ZNF708: variants seen among roughly 807,000 people sequenced by gnomAD.
ZNF708 encodes the protein zinc finger protein 708.
ZNF708 carries 44 observed loss-of-function variants against 47.0 expected under a neutral mutation model. The observed-to-expected ratio is 0.94, with a 90% CI of 0.74 to 1.20. ZNF708 has a LOEUF of 1.20. Ranked by LOEUF, ZNF708 falls within the 50% of genes most tolerant of loss-of-function variation. ZNF708 has a pLI of 0.00. For synonymous variants in ZNF708, 184 were observed against 218.5 expected, an observed-to-expected ratio of 0.84 and a Z score of 1.39; for missense variants, 557 against 656.0, an observed-to-expected ratio of 0.85 and a Z score of 1.65.
Position 21,292,373 on chromosome 19 carries a change from G to A in ZNF708, c.*901C>T, listed in dbSNP as rs1380221366. 2 of 152,144 alleles carry A rather than the reference G, an allele frequency of 1.3e-5. No individual in the cohort carries two copies. Among genetic ancestry groups the A allele is most frequent in the Non-Finnish European group, 2.9e-5 (2 of 68,048 alleles). 9.4% of individuals were successfully genotyped at this position (152,144 alleles called of 1,614,324 possible). Reference sequence around the variant, plus strand: ...CTGTGAATTCTCTGATATTTACATAGACTTATTTTGGATTAAATGTTTTAA... The same window carrying A: ...CTGTGAATTCTCTGATATTTACATAAACTTATTTTGGATTAAATGTTTTAA... On this transcript the variant is annotated 3_prime_UTR_variant, in exon 4 of 4. Transcript: ENST00000356929.
chr19:21,314,131 C>G (rs981228355), intron 1 of ZNF708, among the ~76,000 whole-genome samples: 12 of 152,114 alleles, frequency 7.9e-5, no homozygotes, highest in African/African-American at 2.9e-4. Flanking sequence ...TGGGTGAGAT[C>G]TAAACAAGGC....
chr19:21,327,475 T>TGACCCGAGATCGTGCC (rs1252752883), intron 1 of ZNF708, among the ~76,000 whole-genome samples: 11 of 149,084 alleles, frequency 7.4e-5, no homozygotes, highest in Non-Finnish European at 1.6e-4. Flanking sequence ...GAGGTTGCGG[T>TGACCCGAGATCGTGCC]GACCCGAGAT....
chr19:21,310,371 G>T, intron 2 of ZNF708, 130 bp downstream of exon 2: 1 of 288,600 alleles, frequency 3.5e-6, no homozygotes, highest in South Asian at 1.2e-4. Context: ...CTTGAACCCT[G>T]GAGGCAAAGG....
chr19:21,310,595 T>C lies in ZNF708; in HGVS notation c.36A>G (p.Glu12=), dbSNP rs760576021. The stretch of plus-strand genomic sequence containing the variant: ...GGCACTGCCACTCCTCCAGAGAGAA[T>C]TCTATGGCCACATCCATAAATGTCA... ...GPLTFMDVAI[E]FSLEEWQCLD... is the part of the protein sequence containing the mutation. The change falls in exon 2 of 4, where the codon GAA becomes GAG. Residue 12 remains glutamate (E), a synonymous_variant. Transcript: ENST00000356929. 6.5e-7 allele frequency: 1 copy of C among 1,548,828 alleles called. No individual in the cohort carries two copies. The highest frequency in any genetic ancestry group is 1.8e-5 in the Admixed American group (1 of 54,532).
intron 2 of ZNF708, among the ~76,000 whole-genome samples, chr19:21,309,924 T>A (rs190067966): frequency 6.6e-6 from 1 of 152,312 alleles, no homozygotes; most frequent in African/African-American, 2.4e-5. Context: ...GCAACAGTAT[T>A]TTATGCCACT....
Position 21,297,271 on chromosome 19 carries a change from T to TATATATATATATATATATA in ZNF708, c.227-2533_227-2532insTATATATATATATATATAT, listed in dbSNP as rs1491214834. Among the ~76,000 whole-genome samples the TATATATATATATATATATA allele has an allele frequency of 1.5e-3, 25 of 16,964 alleles. 4 individuals are homozygous for TATATATATATATATATATA. Among genetic ancestry groups the TATATATATATATATATATA allele is most frequent in the Admixed American group, 7.0e-3 (7 of 1,006 alleles). 11.1% of individuals were successfully genotyped at this position (16,964 alleles called of 152,430 possible). Reference sequence around the variant, plus strand: ...ATATATATATATATATATATATATATTTTTTTTTTTTTTTTTTTTTTTTTT... The same window carrying TATATATATATATATATATA: ...ATATATATATATATATATATATATATATATATATATATATATATATTTTTTTTTTTTTTTTTTTTTTTTT... On this transcript the variant is annotated intron_variant, in intron 3 of 3. Coordinates refer to ENST00000356929, the MANE Select transcript of ZNF708 (RefSeq NM_021269.3).
chr19:21,322,717 A>G (rs73537886), intron 1 of ZNF708, among the ~76,000 whole-genome samples: 2,385 of 152,282 alleles, frequency 0.016, 70 homozygotes, highest in African/African-American at 0.051. Flanking sequence ...CCATTCCCAG[A>G]CATCCAGAGT....
In ZNF708 at chr19:21,316,189, A is replaced by G. The variant is rs112451118; in HGVS notation, c.4-5562T>C. 7.5e-3 allele frequency among the ~76,000 whole-genome samples: 932 copies of G among 124,920 alleles called. 19 individuals carry two copies. The highest frequency in any genetic ancestry group is 0.027 in the African/African-American group (856 of 31,998). 82.0% of individuals were successfully genotyped at this position (124,920 alleles called of 152,430 possible). ...GCTCTTGTTGCCCCTGCTGGAGTGCAGTGGCGCAATCTCAGCTCACCGCAA... is the reference window on the plus strand; with the variant it reads ...GCTCTTGTTGCCCCTGCTGGAGTGCGGTGGCGCAATCTCAGCTCACCGCAA... On this transcript the variant is annotated intron_variant, in intron 1 of 3. Coordinates refer to ENST00000356929, the MANE Select transcript of ZNF708 (RefSeq NM_021269.3).
At chr19:21,313,950 T>A (rs1372626861) in intron 1 of ZNF708, among the ~76,000 whole-genome samples, 1 of 151,416 alleles carries the variant, frequency 6.6e-6, no homozygotes, top group Non-Finnish European at 1.5e-5. Context: ...GCAACCTTGG[T>A]TTTAATAAAA....
intron 3 of ZNF708, among the ~76,000 whole-genome samples, chr19:21,308,961 C>T (rs1972842756): frequency 6.7e-6 from 1 of 148,446 alleles, no homozygotes; most frequent in Admixed American, 6.7e-5. Context: ...TTCTGAGTCT[C>T]CAAAAACAAT....
intron 3 of ZNF708, among the ~76,000 whole-genome samples, chr19:21,303,051 C>G (rs1010081659): frequency 6.6e-6 from 1 of 152,008 alleles, no homozygotes; most frequent in African/African-American, 2.4e-5. Flanking sequence ...AGTTTGAGAT[C>G]AGCCTGAGCA....
At chr19:21,296,362 C>T (rs993345616) in intron 3 of ZNF708, among the ~76,000 whole-genome samples, 2 of 151,962 alleles carry the variant, frequency 1.3e-5, no homozygotes, top group Non-Finnish European at 2.9e-5. Context: ...ATTAGCCGGG[C>T]GTGGTCACGT....
Position 21,309,277 on chromosome 19 carries a change from C to T in ZNF708, c.195G>A (p.Met65Ile), listed in dbSNP as rs529406189. 5.0e-6 allele frequency: 8 copies of T among 1,605,014 alleles called. No homozygotes were observed. The East Asian group carries it at 6.8e-5, about 14-fold the overall frequency. ...CLEQGKEPWN[M>I]KRHEMAAKPP... The stretch of plus-strand genomic sequence containing the variant: ...GTTTGGCTGCCATCTCGTGTCTCTT[C>T]ATATTCCAGGGCTCTTTTCCTTGCT... Residue 65 changes from methionine (M) to isoleucine (I), a missense_variant, in exon 3 of 4, where the codon ATG (methionine) becomes ATA (isoleucine). Met to Ile is a conservative substitution (Grantham distance 10, BLOSUM62 1). Coordinates refer to ENST00000356929, the MANE Select transcript of ZNF708 (RefSeq NM_021269.3).
chr19:21,294,211 T>C lies in ZNF708; in HGVS notation c.755A>G (p.Tyr252Cys), dbSNP rs771579775. The change falls in exon 4 of 4, where the codon TAC becomes TGC. Residue 252 changes from tyrosine to cysteine, a missense_variant. Physicochemically the swap from Tyr to Cys is radical, Grantham distance 194 (BLOSUM62 -2). Transcript: ENST00000356929. ...HKIIHTGEKLYKCEECGKAFN... is the reference protein window; with the variant it reads ...HKIIHTGEKLCKCEECGKAFN... ...AGCTTTGCCACATTCTTCACATTTG[T>C]AGAGTTTCTCTCCAGTATGAATTAT... is the stretch of plus-strand genomic sequence containing the variant. The C allele has an allele frequency of 1.2e-6, 2 of 1,612,992 alleles. No individual in the cohort carries two copies. Among genetic ancestry groups the C allele is most frequent in the East Asian group, 2.2e-5 (1 of 44,852 alleles).
intron 3 of ZNF708, among the ~76,000 whole-genome samples, chr19:21,295,311 A>G (rs1391604500): frequency 1.3e-5 from 2 of 152,188 alleles, no homozygotes; most frequent in African/African-American, 4.8e-5. Context: ...TATTTAGAAA[A>G]AACACTAACA....
chr19:21,299,132 G>C (rs968942963), intron 3 of ZNF708, among the ~76,000 whole-genome samples: 4 of 152,186 alleles, frequency 2.6e-5, no homozygotes, highest in Non-Finnish European at 5.9e-5. Flanking sequence ...GAGGCGGGTG[G>C]ATCACGAGGT....
chr19:21,303,885 T>G (rs1972707861), intron 3 of ZNF708, among the ~76,000 whole-genome samples: 1 of 151,986 alleles, frequency 6.6e-6, no homozygotes, highest in African/African-American at 2.4e-5. Flanking sequence ...TCTCTATATA[T>G]GTATGTATGT....
rs1234443358 is a variant in ZNF708 at position 21,310,579 on chromosome 19, A to C, written c.52T>G (p.Trp18Gly). 4.5e-6 allele frequency: 7 copies of C among 1,542,148 alleles called. No homozygotes were observed. Among genetic ancestry groups the C allele is most frequent in the Non-Finnish European group, 3.5e-6 (4 of 1,142,696 alleles). ...DVAIEFSLEE[W>G]QCLDTAQQNL... Reference sequence around the variant, plus strand: ...TGCTGTGCTGTGTCCAGGCACTGCCACTCCTCCAGAGAGAATTCTATGGCC... The same window carrying C: ...TGCTGTGCTGTGTCCAGGCACTGCCCCTCCTCCAGAGAGAATTCTATGGCC... The change falls in exon 2 of 4, where the codon TGG (tryptophan) becomes GGG (glycine). Residue 18 changes from tryptophan (W) to glycine (G), a missense_variant. Transcript: ENST00000356929.
At chr19:21,303,333 A>T (rs892446121) in intron 3 of ZNF708, among the ~76,000 whole-genome samples, 1 of 152,180 alleles carries the variant, frequency 6.6e-6, no homozygotes, top group Non-Finnish European at 1.5e-5. Context: ...TGGGTGGATC[A>T]CTTGAGGCCA....
Sources: allele counts gnomAD v4.1 joint callset (sites outside exome capture counted in the v4.1 genomes callset), GRCh38; gene constraint gnomAD v4.1.1; transcripts MANE v1.5; gene names NCBI Gene and HGNC (gene_info 2026-07-23, HGNC 2026-07-21).